The following RPS6KC1 variants were observed in gnomAD, a reference collection of about 807,000 sequenced individuals.
RPS6KC1 encodes the protein ribosomal protein S6 kinase C1.
RPS6KC1 carries 54 observed loss-of-function variants against 103.8 expected under a neutral mutation model. The observed-to-expected ratio is 0.52, with a 90% CI of 0.42 to 0.65. The LOEUF (loss-of-function observed/expected upper bound fraction) is 0.65, where lower values mean the gene tolerates loss of function less well. RPS6KC1 is among the 30% of genes least tolerant of loss of function. The probability of loss-of-function intolerance (pLI) is 0.00; values close to 1 mark genes in which losing one functional copy is unlikely to be tolerated. For synonymous variants in RPS6KC1, 439 were observed against 438.7 expected, an observed-to-expected ratio of 1.00 and a Z score of -0.01; for missense variants, 1,151 against 1,253.8, an observed-to-expected ratio of 0.92 and a Z score of 1.24.
chr1:213,328,952 A>G, the RPS6KC1 span, among the ~76,000 whole-genome samples: 1 of 152,148 alleles, frequency 6.6e-6, no homozygotes, highest in African/African-American at 2.4e-5. Flanking sequence ...TGCATGTTAT[A>G]CAGATCAAGA....
At chr1:213,514,153 C>T in the RPS6KC1 span, among the ~76,000 whole-genome samples, 2 of 152,174 alleles carry the variant, frequency 1.3e-5, no homozygotes, top group Non-Finnish European at 2.9e-5. Flanking sequence ...TGTGACTTCT[C>T]AGCATTCTTA....
the RPS6KC1 span, among the ~76,000 whole-genome samples, chr1:213,288,069 G>C: frequency 1.3e-5 from 2 of 152,220 alleles, no homozygotes; most frequent in African/African-American, 2.4e-5. Context: ...GTGGTTTGCA[G>C]AGTGAGGCGG....
chr1:213,141,863 T>C (rs545556078), intron 6 of RPS6KC1, among the ~76,000 whole-genome samples: 1 of 151,510 alleles, frequency 6.6e-6, no homozygotes, highest in South Asian at 2.1e-4. Context: ...TTGGGTGGAG[T>C]GTTCTGTAGA....
At chr1:213,278,279 C>T (rs2095116057), downstream of RPS6KC1, among the ~76,000 whole-genome samples, 2 of 151,784 alleles carry the variant, frequency 1.3e-5, no homozygotes, top group African/African-American at 4.8e-5. Flanking sequence ...ATTAACCCCA[C>T]CAAGAGACAG....
At chr1:213,783,181 C>T in the RPS6KC1 span, among the ~76,000 whole-genome samples, 1 of 152,150 alleles carries the variant, frequency 6.6e-6, no homozygotes, top group Admixed American at 6.5e-5. Flanking sequence ...TAAACCAAGG[C>T]GCATCGGATG....
chr1:213,230,454 T>C (rs746090898), intron 8 of RPS6KC1, 43 bp from the exon 9 acceptor site: 1 of 1,422,912 alleles, frequency 7.0e-7, no homozygotes, highest in Non-Finnish European at 9.8e-7. Flanking sequence ...AGTTAATGTT[T>C]CATTGTATTG....
At chr1:213,747,441 G>C in the RPS6KC1 span, among the ~76,000 whole-genome samples, 1 of 152,164 alleles carries the variant, frequency 6.6e-6, no homozygotes, top group East Asian at 1.9e-4. Flanking sequence ...AAACTCCTTT[G>C]AAGGATTCCA....
the RPS6KC1 span, among the ~76,000 whole-genome samples, chr1:213,722,604 T>G: frequency 1.3e-5 from 2 of 152,200 alleles, no homozygotes; most frequent in Non-Finnish European, 2.9e-5. Flanking sequence ...ATCACATTGT[T>G]CCTGCTAGAT....
the RPS6KC1 span, among the ~76,000 whole-genome samples, chr1:213,548,493 T>C: frequency 2.0e-5 from 3 of 152,112 alleles, no homozygotes; most frequent in African/African-American, 4.8e-5. Context: ...AAACCCCATC[T>C]CTACTAAAAG....
At chr1:213,670,320 T>G in the RPS6KC1 span, among the ~76,000 whole-genome samples, 1 of 152,222 alleles carries the variant, frequency 6.6e-6, no homozygotes, top group African/African-American at 2.4e-5. Context: ...GGAGCCCTTT[T>G]GGCCAGCCTG....
At chr1:213,773,479 C>T in the RPS6KC1 span, among the ~76,000 whole-genome samples, 81,358 of 147,208 alleles carry the variant, frequency 0.55, 23,969 homozygotes, top group East Asian at 0.83. Flanking sequence ...TATCATATAT[C>T]GATATATAGA....
At chr1:213,763,399 G>A in the RPS6KC1 span, among the ~76,000 whole-genome samples, 1 of 152,160 alleles carries the variant, frequency 6.6e-6, no homozygotes, top group African/African-American at 2.4e-5. Flanking sequence ...CCAGCGAGCT[G>A]ATGGCACTTG....
the RPS6KC1 span, among the ~76,000 whole-genome samples, chr1:213,631,194 GCT>G: frequency 6.6e-6 from 1 of 152,034 alleles, no homozygotes; most frequent in Middle Eastern, 3.2e-3. Context: ...TTTGGCTCAT[GCT>G]CTGTGTGCTG....
At chr1:213,176,727 G>A (rs1558480697) in intron 8 of RPS6KC1, 1 of 307,016 alleles carries the variant, frequency 3.3e-6, no homozygotes. Flanking sequence ...TTGGCATTCA[G>A]TTGAGTAAGG....
At chr1:213,831,969 A>T in the RPS6KC1 span, among the ~76,000 whole-genome samples, 5 of 152,140 alleles carry the variant, frequency 3.3e-5, no homozygotes, top group Non-Finnish European at 5.9e-5. Flanking sequence ...CCTATTCTTG[A>T]ATGGCAGGAA....
chr1:213,582,965 T>A, the RPS6KC1 span, among the ~76,000 whole-genome samples: 4 of 151,648 alleles, frequency 2.6e-5, no homozygotes, highest in African/African-American at 9.7e-5. Flanking sequence ...TCTGCCACTG[T>A]AGATTAGTTT....
At chr1:213,838,011 C>A in the RPS6KC1 span, among the ~76,000 whole-genome samples, 1 of 152,084 alleles carries the variant, frequency 6.6e-6, no homozygotes, top group Non-Finnish European at 1.5e-5. Flanking sequence ...TTTCTTTACA[C>A]CTTTGTCTCT....
the RPS6KC1 span, among the ~76,000 whole-genome samples, chr1:213,351,730 G>T: frequency 6.6e-6 from 1 of 152,152 alleles, no homozygotes; most frequent in Non-Finnish European, 1.5e-5. Context: ...ATTGCCAGAG[G>T]TGACTTCTGG....
chr1:213,178,135 G>A (rs1314448126), intron 8 of RPS6KC1, among the ~76,000 whole-genome samples: 1 of 151,312 alleles, frequency 6.6e-6, no homozygotes, highest in African/African-American at 2.4e-5. Context: ...GCCGTGAGCC[G>A]TGGTCATGCC....
Sources: gnomAD v4.1 joint callset for allele counts (sites outside exome capture counted in the v4.1 genomes callset) on GRCh38, gnomAD v4.1.1 for gene constraint, MANE v1.5 for transcripts, NCBI Gene and HGNC (gene_info 2026-07-23, HGNC 2026-07-21) for gene names.